Variants in RDX observed in about 807,000 individuals in gnomAD.
RDX encodes the protein deafness, autosomal recessive 24.
Under a neutral mutation model 83.7 loss-of-function variants are expected in RDX, and 32 were observed. The observed-to-expected ratio is 0.38, with a 90% CI of 0.29 to 0.51. The LOEUF (loss-of-function observed/expected upper bound fraction) is 0.51, where lower values mean the gene tolerates loss of function less well. Ranked by LOEUF, RDX falls within the 20% of genes least tolerant of loss-of-function variation. RDX has a pLI of 0.87. For synonymous variants in RDX, 229 were observed against 222.7 expected (o/e 1.03, Z -0.25); for missense variants, 600 against 689.9 (o/e 0.87, Z 1.46).
chr11:110,196,662 C>T (rs1863218917), intron 15 of RDX, among the ~76,000 whole-genome samples: 1 of 152,208 alleles, frequency 6.6e-6, no homozygotes, highest in African/African-American at 2.4e-5. Context: ...ACCTCAGGCC[C>T]CTTCCCAACT....
intron 4 of RDX, 112 bp from the exon 5 acceptor site, chr11:110,264,346 TATGAAG>T: frequency 1.3e-6 from 1 of 754,986 alleles, no homozygotes; most frequent in Non-Finnish European, 2.1e-6. Flanking sequence ...ATTCTAAATC[TATGAAG>T]ATTTTAGTGT....
intron 1 of RDX, among the ~76,000 whole-genome samples, chr11:110,291,125 G>C (rs1861223305): frequency 6.6e-6 from 1 of 152,128 alleles, no homozygotes; most frequent in Non-Finnish European, 1.5e-5. Context: ...CCAGAAGTTT[G>C]AGACTAGCCT....
chr11:110,283,535 C>T (rs1860849228), intron 1 of RDX, among the ~76,000 whole-genome samples: 1 of 152,002 alleles, frequency 6.6e-6, no homozygotes, highest in African/African-American at 2.4e-5. Context: ...TTCACAATAC[C>T]ATTTAATAAA....
intron 15 of RDX, among the ~76,000 whole-genome samples, chr11:110,198,071 T>G (rs948710062): frequency 2.0e-5 from 3 of 152,226 alleles, no homozygotes; most frequent in African/African-American, 7.2e-5. Flanking sequence ...ACCATTTTTT[T>G]GTCACATAAA....
At chr11:110,244,384 AAAAAG>A (rs1446276111) in intron 10 of RDX, among the ~76,000 whole-genome samples, 1 of 150,702 alleles carries the variant, frequency 6.6e-6, no homozygotes, top group African/African-American at 2.4e-5. Context: ...AAAAAAAAAA[AAAAAG>A]AGAGTGGAGT....
intron 14 of RDX, among the ~76,000 whole-genome samples, chr11:110,224,259 C>T (rs1405399834): frequency 6.6e-6 from 1 of 151,362 alleles, no homozygotes; most frequent in Non-Finnish European, 1.5e-5. Context: ...CTTCGAATTT[C>T]TTCTAAAAGC....
intron 15 of RDX, among the ~76,000 whole-genome samples, chr11:110,181,353 G>A (rs994228003): frequency 1.3e-5 from 2 of 152,112 alleles, no homozygotes; most frequent in African/African-American, 2.4e-5. Flanking sequence ...TAGTAGAGAC[G>A]GGGTTTCATC....
chr11:110,282,747 C>G (rs928788115), intron 1 of RDX, among the ~76,000 whole-genome samples: 1 of 152,088 alleles, frequency 6.6e-6, no homozygotes, highest in Non-Finnish European at 1.5e-5. Context: ...GGGAGGCCAA[C>G]GCAGGAGGAT....
At chr11:110,246,861 G>A (rs930023851) in intron 10 of RDX, among the ~76,000 whole-genome samples, 8 of 152,122 alleles carry the variant, frequency 5.3e-5, no homozygotes, top group Non-Finnish European at 1.2e-4. Context: ...TTCAACAAGG[G>A]ATATTCAACC....
chr11:110,227,387 A>G (rs751546412), downstream of RDX, among the ~76,000 whole-genome samples: 2 of 152,140 alleles, frequency 1.3e-5, no homozygotes, highest in Non-Finnish European at 1.5e-5. Context: ...CAGTATCACT[A>G]TTTTTAGGAG....
At chr11:110,237,706 A>C (rs761059677) in intron 10 of RDX, 54 bp from the exon 11 acceptor site, 2 of 1,582,288 alleles carry the variant, frequency 1.3e-6, no homozygotes, top group South Asian at 2.2e-5. Flanking sequence ...CATTCTCATT[A>C]TCAAAAGAAG....
At chr11:110,255,516 A>G (rs1859506754) in intron 7 of RDX, 131 bp from the exon 8 acceptor site, 1 of 642,176 alleles carries the variant, frequency 1.6e-6, no homozygotes. Context: ...CTTATTCATA[A>G]CTACAGTTGA....
At chr11:110,295,651 A>AAAAAC (rs1555051150) in intron 1 of RDX, among the ~76,000 whole-genome samples, 1 of 150,908 alleles carries the variant, frequency 6.6e-6, no homozygotes, top group Admixed American at 6.6e-5. Context: ...TGAAAAAAAA[A>AAAAAC]AAAAAACAAA....
In RDX at chr11:110,240,338, TAAAGATAAATAAACTGG is replaced by T. The variant is rs367644880; in HGVS notation, c.1091-2703_1091-2687del. 1.8e-4 allele frequency among the ~76,000 whole-genome samples: 28 copies of T among 152,138 alleles called. No individual in the cohort carries two copies. In the South Asian group the frequency reaches 4.8e-3, roughly 26 times the overall value. The stretch of plus-strand genomic sequence containing the variant: ...ACTCATATGTCAGAGCTAAATCTCA[TAAAGATAAATAAACTGG>T]TGGTTATCAAAGGCCAGGAAGTGGG... On this transcript the variant is annotated intron_variant, in intron 10 of 13. Coordinates refer to ENST00000645495, the MANE Select transcript of RDX (RefSeq NM_002906.4).
chr11:110,244,458 C>A (rs1361631947), intron 10 of RDX, among the ~76,000 whole-genome samples: 2 of 150,396 alleles, frequency 1.3e-5, no homozygotes, highest in Non-Finnish European at 3.0e-5. Flanking sequence ...CAAAAGAAGC[C>A]AGTCACAAAA....
chr11:110,256,840 TA>T (rs1859565434), intron 7 of RDX, among the ~76,000 whole-genome samples: 1 of 152,184 alleles, frequency 6.6e-6, no homozygotes, highest in South Asian at 2.1e-4. Flanking sequence ...GATATTAGGG[TA>T]AAAATAGTAA....
chr11:110,224,427 A>G (rs182605333), intron 14 of RDX, among the ~76,000 whole-genome samples: 156 of 152,328 alleles, frequency 1.0e-3, no homozygotes, highest in Non-Finnish European at 1.9e-3. Context: ...TTTTGTGAAG[A>G]TAATGGATCT....
At chr11:110,253,805 G>T in intron 9 of RDX, 141 bp downstream of exon 9, 1 of 746,208 alleles carries the variant, frequency 1.3e-6, no homozygotes, top group Non-Finnish European at 2.2e-6. Flanking sequence ...AAAGGACAGA[G>T]TGATAATACT....
intron 5 of RDX, among the ~76,000 whole-genome samples, chr11:110,260,480 C>T (rs1366943278): frequency 6.6e-6 from 1 of 151,026 alleles, no homozygotes; most frequent in Non-Finnish European, 1.5e-5. Flanking sequence ...CTCGCTCTGT[C>T]GCCCAGGCTG....
Sources: gnomAD v4.1 joint callset for allele counts (sites outside exome capture counted in the v4.1 genomes callset) on GRCh38, gnomAD v4.1.1 for gene constraint, MANE v1.5 for transcripts, NCBI Gene and HGNC (gene_info 2026-07-23, HGNC 2026-07-21) for gene names.